Variants in SLC35F3 observed in about 807,000 individuals in gnomAD.
The protein encoded by SLC35F3 is solute carrier family 35 member F3, also known as putative thiamine transporter SLC35F3.
In SLC35F3, 25 loss-of-function variants were observed where a neutral mutation model predicts 49.9. The ratio of observed to expected loss-of-function variants is 0.50; its 90% confidence interval spans 0.37 to 0.70. The LOEUF is 0.70. Among genes scored for constraint, SLC35F3 ranks in the 30% least tolerant of loss-of-function variants. The probability of loss-of-function intolerance (pLI) is 0.00; values close to 1 mark genes in which losing one functional copy is unlikely to be tolerated. For synonymous variants in SLC35F3, 275 were observed against 265.4 expected (o/e 1.04, Z -0.35); for missense variants, 525 against 639.8 (o/e 0.82, Z 1.94).
In SLC35F3 at chr1:233,983,399, T is replaced by C. The variant is rs951514800; in HGVS notation, c.283+77641T>C. On this transcript the variant is annotated intron_variant, in intron 2 of 7. Coordinates refer to ENST00000366618, the MANE Select transcript of SLC35F3 (RefSeq NM_173508.4). ...AGAATTGGATTCATAAATAATATCC[T>C]CCCTACAAATTTAATTTTGAAAAAT... Among the ~76,000 whole-genome samples the C allele has an allele frequency of 2.0e-5, 3 of 152,186 alleles. No homozygotes were observed. The East Asian group carries it at 5.8e-4, about 29-fold the overall frequency.
intron 2 of SLC35F3, among the ~76,000 whole-genome samples, chr1:234,051,813 CATCAATACCTAGTTT>C (rs1302539434): frequency 6.6e-6 from 1 of 152,126 alleles, no homozygotes; most frequent in African/African-American, 2.4e-5. Context: ...AGATACGTCC[CATCAATACCTAGTTT>C]ATTGAGAGTT....
Position 233,985,582 on chromosome 1 carries a change from G to A in SLC35F3, c.283+79824G>A, listed in dbSNP as rs1663254800. On this transcript the variant is annotated intron_variant, in intron 2 of 7. Transcript: ENST00000366618. Reference sequence around the variant, plus strand: ...CTTGGAGCCGCTTGAGACCCACACAGTTCTTTCTCCATCTAATTCTAATTA... The same window carrying A: ...CTTGGAGCCGCTTGAGACCCACACAATTCTTTCTCCATCTAATTCTAATTA... Among the ~76,000 whole-genome samples, 3 of 152,280 alleles carry A rather than the reference G, an allele frequency of 2.0e-5. No homozygotes were observed. The South Asian group carries it at 6.2e-4, about 32-fold the overall frequency.
chr1:234,220,930 G>A (rs10797532), intron 2 of SLC35F3, among the ~76,000 whole-genome samples: 36,494 of 152,026 alleles, frequency 0.24, 5,481 homozygotes, highest in Non-Finnish European at 0.33. Context: ...GAAAGAGGTG[G>A]TGAAGCCTGA....
At chr1:234,186,493 C>G (rs888490272) in intron 2 of SLC35F3, among the ~76,000 whole-genome samples, 2 of 152,120 alleles carry the variant, frequency 1.3e-5, no homozygotes, top group Non-Finnish European at 2.9e-5. Context: ...TCTCCTAGCC[C>G]TGATCTCTCC....
At chr1:234,164,411 C>G (rs1284323750) in intron 2 of SLC35F3, among the ~76,000 whole-genome samples, 2 of 150,614 alleles carry the variant, frequency 1.3e-5, no homozygotes. Context: ...CGCTCCCTCC[C>G]TCTTTCTTTT....
At chr1:234,268,282 G>A (rs1668033811) in intron 3 of SLC35F3, among the ~76,000 whole-genome samples, 3 of 152,078 alleles carry the variant, frequency 2.0e-5, no homozygotes, top group Non-Finnish European at 2.9e-5. Context: ...GCGAAACCCC[G>A]TCTCCACCAA....
intron 2 of SLC35F3, among the ~76,000 whole-genome samples, chr1:234,130,962 A>T (rs1665727143): frequency 2.0e-5 from 3 of 150,226 alleles, no homozygotes; most frequent in Non-Finnish European, 1.5e-5. Flanking sequence ...ATTCAGACAC[A>T]GGAATACTAT....
chr1:234,286,501 G>A (rs1188740833), intron 3 of SLC35F3, among the ~76,000 whole-genome samples: 2 of 152,214 alleles, frequency 1.3e-5, no homozygotes, highest in South Asian at 2.1e-4. Context: ...AAAATCTGAT[G>A]TAATCCAGTT....
At chr1:234,148,765 G>A (rs1164823585) in intron 2 of SLC35F3, among the ~76,000 whole-genome samples, 1 of 152,206 alleles carries the variant, frequency 6.6e-6, no homozygotes, top group Non-Finnish European at 1.5e-5. Context: ...TGGTGGCAAT[G>A]GAGATGGGGA....
chr1:233,926,435 G>A (rs966520713), intron 2 of SLC35F3, among the ~76,000 whole-genome samples: 2 of 152,018 alleles, frequency 1.3e-5, no homozygotes, highest in Non-Finnish European at 1.5e-5. Flanking sequence ...GGCTACTGAA[G>A]CTTTTGCAAG....
chr1:234,001,637 T>G (rs983638499), intron 2 of SLC35F3, among the ~76,000 whole-genome samples: 1 of 152,218 alleles, frequency 6.6e-6, no homozygotes, highest in East Asian at 1.9e-4. Flanking sequence ...GGGGTATTAC[T>G]GATGCAGTAG....
intron 2 of SLC35F3, among the ~76,000 whole-genome samples, chr1:233,972,474 C>T (rs77767684): frequency 0.047 from 7,198 of 152,184 alleles, 256 homozygotes; most frequent in East Asian, 0.17. Flanking sequence ...GTCCTAGCTC[C>T]ACCTTCTATA....
At chr1:234,226,352 G>T (rs1269760276) in intron 2 of SLC35F3, among the ~76,000 whole-genome samples, 1 of 151,792 alleles carries the variant, frequency 6.6e-6, no homozygotes, top group Middle Eastern at 3.2e-3. Context: ...CTAAAGAAAG[G>T]ACTTGAGCAC....
chr1:233,993,221 C>T (rs5011878), intron 2 of SLC35F3, among the ~76,000 whole-genome samples: 41,870 of 152,012 alleles, frequency 0.28, 6,007 homozygotes, highest in East Asian at 0.49. Flanking sequence ...CCCAACTCAG[C>T]CTCCCAAAGT....
chr1:234,135,499 C>T (rs559132240), intron 2 of SLC35F3, among the ~76,000 whole-genome samples: 1 of 152,304 alleles, frequency 6.6e-6, no homozygotes, highest in East Asian at 1.9e-4. Context: ...GCAAGAAGGA[C>T]TCACAAGGAC....
intron 2 of SLC35F3, among the ~76,000 whole-genome samples, chr1:233,915,007 C>T (rs886111949): frequency 2.0e-5 from 3 of 152,170 alleles, no homozygotes; most frequent in African/African-American, 7.2e-5. Context: ...TTGGAGGAAA[C>T]GAATTGCTCT....
At chr1:234,115,665 A>G (rs540181919) in intron 2 of SLC35F3, among the ~76,000 whole-genome samples, 103 of 152,340 alleles carry the variant, frequency 6.8e-4, no homozygotes, top group African/African-American at 2.2e-3. Context: ...TGGATTCTCA[A>G]ATGTTAACAT....
At chr1:234,300,574 A>T (rs886733571) in intron 3 of SLC35F3, among the ~76,000 whole-genome samples, 2 of 152,260 alleles carry the variant, frequency 1.3e-5, no homozygotes, top group Admixed American at 1.3e-4. Context: ...AAGTTGGACA[A>T]TTAAATAAGC....
chr1:234,028,793 C>G (rs946889195), intron 2 of SLC35F3, among the ~76,000 whole-genome samples: 9 of 152,128 alleles, frequency 5.9e-5, no homozygotes, highest in Admixed American at 2.0e-4. Context: ...CACACCAGGT[C>G]ACCTCAATTT....
Sources: gnomAD v4.1 joint callset for allele counts (sites outside exome capture counted in the v4.1 genomes callset) on GRCh38, gnomAD v4.1.1 for gene constraint, MANE v1.5 for transcripts, NCBI Gene and HGNC (gene_info 2026-07-23, HGNC 2026-07-21) for gene names.